The following SPRED2 variants were observed in gnomAD, a reference collection of about 807,000 sequenced individuals.
SPRED2 encodes the protein sprouty related EVH1 domain containing 2, also known as sprouty-related, EVH1 domain-containing protein 2.
A neutral mutation model predicts 43.0 loss-of-function variants in SPRED2; 47 were observed. That is an observed-to-expected ratio of 1.09 (90% CI 0.87 to 1.40). The LOEUF is 1.40. Among genes scored for constraint, SPRED2 ranks in the 40% most tolerant of loss-of-function variants. The pLI is 0.00. For missense variants in SPRED2, 561 were observed against 586.4 expected (o/e 0.96, Z 0.45); for synonymous variants, 225 against 225.7 (o/e 1.00, Z 0.03).
chr2:65,313,889 GT>G lies in SPRED2; in HGVS notation c.868del (p.Thr290ArgfsTer44). On this transcript the variant is annotated frameshift_variant, in exon 6 of 6. Coordinates refer to ENST00000356388, the MANE Select transcript of SPRED2 (RefSeq NM_181784.3). LOFTEE classifies it high-confidence loss of function. ...CCGCGACTTGCCCCGGGAGGGCTGCGTCTTGATCACGCTGCCCCCGCGGCCT... is the reference window on the plus strand; with the variant it reads ...CCGCGACTTGCCCCGGGAGGGCTGCGCTTGATCACGCTGCCCCCGCGGCCT... Reference protein sequence around the residue: ...PKGRGGSVIKTQPSRGKSRRR... With the variant: ...PKGRGGSVIKXQPSRGKSRRR... The G allele has an allele frequency of 6.2e-7, 1 of 1,610,358 alleles. No individual in the cohort carries two copies. The highest frequency in any genetic ancestry group is 8.5e-7 in the Non-Finnish European group (1 of 1,179,864).
At chr2:65,356,929 G>A (rs531212259) in intron 1 of SPRED2, among the ~76,000 whole-genome samples, 2 of 152,266 alleles carry the variant, frequency 1.3e-5, no homozygotes, top group South Asian at 4.1e-4. Context: ...GAGAAGCGGA[G>A]TTAGAAGTGA....
In SPRED2 at chr2:65,432,369, TG is replaced by T. The variant is rs1177637830; in HGVS notation, c.-383del. On this transcript the variant is annotated 5_prime_UTR_variant, in exon 1 of 6. Transcript: ENST00000356388. ...GGAGGAGGAGAGCGCCGGCCGCGGG[TG>T]GGGGGGCTCAGTCCGGGGTCGCCCC... Among the ~76,000 whole-genome samples, 2 of 29,580 alleles carry T rather than the reference TG, an allele frequency of 6.8e-5. No individual in the cohort carries two copies. Among genetic ancestry groups the T allele is most frequent in the Non-Finnish European group, 1.4e-4 (2 of 14,354 alleles). 19.4% of individuals were successfully genotyped at this position (29,580 alleles called of 152,430 possible). A position where few individuals can be genotyped will look rare whatever the true frequency, so the allele number is the denominator to read the frequency against.
At chr2:65,386,932 TC>T (rs1270159705) in intron 1 of SPRED2, among the ~76,000 whole-genome samples, 1 of 151,084 alleles carries the variant, frequency 6.6e-6, no homozygotes, top group Non-Finnish European at 1.5e-5. Context: ...CCACCATACT[TC>T]ACCTAGAACT....
At chr2:65,343,934 G>T (rs1479177940) in intron 2 of SPRED2, among the ~76,000 whole-genome samples, 1 of 152,032 alleles carries the variant, frequency 6.6e-6, no homozygotes, top group African/African-American at 2.4e-5. Context: ...ATCACCTGAG[G>T]TCAGGAGTTC....
At chr2:65,398,329 C>A (rs962985575) in intron 1 of SPRED2, among the ~76,000 whole-genome samples, 3 of 152,124 alleles carry the variant, frequency 2.0e-5, no homozygotes, top group African/African-American at 4.8e-5. Flanking sequence ...TTGGCTTAGG[C>A]AAAGACTTCA....
chr2:65,419,456 A>G (rs1425209934), intron 1 of SPRED2, among the ~76,000 whole-genome samples: 1 of 152,172 alleles, frequency 6.6e-6, no homozygotes, highest in Non-Finnish European at 1.5e-5. Flanking sequence ...ACCCCCAAAG[A>G]GTGCCCACAC....
intron 5 of SPRED2, among the ~76,000 whole-genome samples, chr2:65,316,126 C>T (rs1673224945): frequency 6.6e-6 from 1 of 152,238 alleles, no homozygotes; most frequent in Non-Finnish European, 1.5e-5. Context: ...GGCCACAGCA[C>T]CCCACACAGG....
In SPRED2 at chr2:65,312,332, G is replaced by A; in HGVS notation, c.*1169C>T. The A allele has an allele frequency of 1.0e-6, 1 of 985,402 alleles. No homozygotes were observed. The allele number at this position is 985,402 out of a possible 1,614,324, so 61.0% of individuals were successfully genotyped here. ...AAGTATAAATGAGGAATTTGGTGAT[G>A]TGAAATTGAGTCCAAAATGAAACGA... On this transcript the variant is annotated 3_prime_UTR_variant, in exon 6 of 6. Transcript: ENST00000356388.
At chr2:65,427,156 C>T (rs747577974) in intron 1 of SPRED2, among the ~76,000 whole-genome samples, 1 of 152,144 alleles carries the variant, frequency 6.6e-6, no homozygotes, top group Non-Finnish European at 1.5e-5. Flanking sequence ...ATTGCAGCCT[C>T]GACCTCCTGG....
At chr2:65,385,171 C>T (rs1675466023) in intron 1 of SPRED2, among the ~76,000 whole-genome samples, 1 of 151,980 alleles carries the variant, frequency 6.6e-6, no homozygotes, top group African/African-American at 2.4e-5. Flanking sequence ...GGGGTTTCAC[C>T]ATGTTTGCCA....
At chr2:65,430,614 G>T (rs1182956969) in intron 1 of SPRED2, among the ~76,000 whole-genome samples, 3 of 152,166 alleles carry the variant, frequency 2.0e-5, no homozygotes, top group East Asian at 3.9e-4. Flanking sequence ...TGCCTGCGGG[G>T]GGCAAAAGAC....
intron 1 of SPRED2, among the ~76,000 whole-genome samples, chr2:65,407,079 C>T (rs1676041693): frequency 6.6e-6 from 1 of 152,000 alleles, no homozygotes; most frequent in Non-Finnish European, 1.5e-5. Context: ...AGGCACCCAC[C>T]ACCATGCCCG....
At chr2:65,341,151 T>G (rs1187333773) in intron 2 of SPRED2, among the ~76,000 whole-genome samples, 2 of 148,028 alleles carry the variant, frequency 1.4e-5, no homozygotes, top group African/African-American at 5.0e-5. Flanking sequence ...GTGTGCTGGG[T>G]ATGGGTGTGA....
chr2:65,310,560 G>C (rs921325278), downstream of SPRED2, among the ~76,000 whole-genome samples: 10 of 151,630 alleles, frequency 6.6e-5, no homozygotes, highest in African/African-American at 2.4e-4. Context: ...AAGTACAGCT[G>C]TTCCCTCTGA....
At chr2:65,401,930 C>CGCGCGCGT (rs1553426589) in intron 1 of SPRED2, among the ~76,000 whole-genome samples, 1,062 of 101,362 alleles carry the variant, frequency 0.01, 15 homozygotes, top group African/African-American at 0.048. Context: ...AATATTAGCG[C>CGCGCGCGT]GCGCGCGCAC....
intron 1 of SPRED2, among the ~76,000 whole-genome samples, chr2:65,393,202 C>T (rs891439276): frequency 2.0e-5 from 3 of 152,098 alleles, no homozygotes; most frequent in Non-Finnish European, 2.9e-5. Flanking sequence ...CCCAATGTTG[C>T]GAATGTGGCA....
At chr2:65,396,887 C>T (rs1013988004) in intron 1 of SPRED2, among the ~76,000 whole-genome samples, 26 of 152,166 alleles carry the variant, frequency 1.7e-4, no homozygotes, top group Non-Finnish European at 2.4e-4. Flanking sequence ...ATCTTTGTTT[C>T]CAAGAGGCTA....
chr2:65,400,102 T>G (rs985480580), intron 1 of SPRED2, among the ~76,000 whole-genome samples: 1 of 152,210 alleles, frequency 6.6e-6, no homozygotes, highest in African/African-American at 2.4e-5. Context: ...TGACATCAAA[T>G]TCAGTGATTA....
chr2:65,386,794 T>G (rs1349020093), intron 1 of SPRED2, among the ~76,000 whole-genome samples: 1 of 152,228 alleles, frequency 6.6e-6, no homozygotes, highest in Non-Finnish European at 1.5e-5. Context: ...TAAAAGCATC[T>G]TTTAAAAATA....
Sources: allele counts gnomAD v4.1 joint callset (sites outside exome capture counted in the v4.1 genomes callset), GRCh38; gene constraint gnomAD v4.1.1; transcripts MANE v1.5; gene names NCBI Gene and HGNC (gene_info 2026-07-23, HGNC 2026-07-21).